Variants in SLC5A4 observed in about 807,000 individuals in gnomAD.
The protein encoded by SLC5A4 is solute carrier family 5 member 4.
SLC5A4 carries 55 observed loss-of-function variants against 70.3 expected under a neutral mutation model. The observed-to-expected ratio is 0.78, with a 90% CI of 0.63 to 0.98. The LOEUF is 0.98. SLC5A4 is among the 50% of genes least tolerant of loss of function. The pLI, the probability that SLC5A4 is intolerant of heterozygous loss-of-function variation, is 0.00. For synonymous variants in SLC5A4, 268 were observed against 305.7 expected (o/e 0.88, Z 1.29); for missense variants, 735 against 839.2 (o/e 0.88, Z 1.53).
chr22:32,230,926 A>G (rs773988736), intron 10 of SLC5A4, 42 bp downstream of exon 10: 8 of 1,280,070 alleles, frequency 6.2e-6, no homozygotes, highest in Non-Finnish European at 8.0e-6. Context: ...GGCCCGTCTT[A>G]GACAGGCCTC....
At chr22:32,288,398 CTCTG>C in the SLC5A4 span, among the ~76,000 whole-genome samples, 1 of 152,312 alleles carries the variant, frequency 6.6e-6, no homozygotes, top group East Asian at 1.9e-4. Context: ...TTCCCTAACA[CTCTG>C]TCTTTCATCA....
rs896509274 is a variant in SLC5A4 at position 32,229,335 on chromosome 22, C to T, written c.1139G>A (p.Gly380Asp). The change falls in exon 11 of 15, where the codon GGC (glycine) becomes GAC (aspartate). Residue 380 changes from glycine to aspartate, a missense_variant. Coordinates refer to ENST00000266086, the MANE Select transcript of SLC5A4 (RefSeq NM_014227.3). ...GGCCAGCATGACCGAAAGCATCAGG[C>T]CTCGCAGTCCTGGAGCCGGGAAAGG... ...VLELMPQGLR[G>D]LMLSVMLASL... The T allele has an allele frequency of 5.0e-6, 8 of 1,613,978 alleles. No individual in the cohort carries two copies. The highest frequency in any genetic ancestry group is 1.3e-5 in the African/African-American group (1 of 74,916).
chr22:32,304,907 G>A, the SLC5A4 span, among the ~76,000 whole-genome samples: 2 of 151,924 alleles, frequency 1.3e-5, no homozygotes, highest in African/African-American at 4.8e-5. Context: ...TTTGTGGAGT[G>A]TAAAGTCTGT....
intron 9 of SLC5A4, among the ~76,000 whole-genome samples, chr22:32,231,630 G>C (rs1183623993): frequency 6.6e-6 from 1 of 152,164 alleles, no homozygotes; most frequent in Non-Finnish European, 1.5e-5. Context: ...AATTGATAAA[G>C]AATCACGCAG....
At chr22:32,297,444 G>A in the SLC5A4 span, among the ~76,000 whole-genome samples, 1 of 147,736 alleles carries the variant, frequency 6.8e-6, no homozygotes, top group South Asian at 2.3e-4. Context: ...TTTGCATAGA[G>A]GTGTTTGTAG....
At chr22:32,330,518 C>CTCTGG in the SLC5A4 span, among the ~76,000 whole-genome samples, 1 of 82,632 alleles carries the variant, frequency 1.2e-5, no homozygotes, top group Non-Finnish European at 2.2e-5. Flanking sequence ...GTGTTGGGGG[C>CTCTGG]TGTGTGTGTC....
At chr22:32,275,270 A>G in the SLC5A4 span, among the ~76,000 whole-genome samples, 6 of 152,184 alleles carry the variant, frequency 3.9e-5, no homozygotes, top group African/African-American at 1.4e-4. Context: ...CATGTGCACA[A>G]CGTGCAGGTT....
At chr22:32,332,132 G>T in the SLC5A4 span, among the ~76,000 whole-genome samples, 1 of 151,872 alleles carries the variant, frequency 6.6e-6, no homozygotes, top group East Asian at 1.9e-4. Flanking sequence ...GCTGCAGCTC[G>T]TGAGACAGTG....
chr22:32,290,261 C>T, the SLC5A4 span, among the ~76,000 whole-genome samples: 2 of 152,198 alleles, frequency 1.3e-5, no homozygotes, highest in Admixed American at 1.3e-4. Context: ...CCCCCATCCC[C>T]TGACAGGCCC....
the SLC5A4 span, among the ~76,000 whole-genome samples, chr22:32,317,505 C>G: frequency 6.6e-6 from 1 of 152,066 alleles, no homozygotes; most frequent in Admixed American, 6.6e-5. Flanking sequence ...CTCTGTCACC[C>G]TAGCTGGAGT....
intron 9 of SLC5A4, 59 bp from the exon 10 acceptor site, chr22:32,231,134 T>A: frequency 1.0e-6 from 1 of 984,638 alleles, no homozygotes; most frequent in East Asian, 2.4e-5. Context: ...CCAACAACCA[T>A]TAAACAAAGA....
At chr22:32,310,671 G>A in the SLC5A4 span, among the ~76,000 whole-genome samples, 124 of 152,346 alleles carry the variant, frequency 8.1e-4, 1 homozygote, top group African/African-American at 2.9e-3. Context: ...CAAAGACTGA[G>A]GCCAGGGGCC....
At chr22:32,249,719 G>A (rs550962380) in intron 3 of SLC5A4, among the ~76,000 whole-genome samples, 91 of 152,320 alleles carry the variant, frequency 6.0e-4, no homozygotes, top group African/African-American at 2.2e-3. Context: ...GCATGTACAT[G>A]AAAACACCAG....
At chr22:32,332,680 T>TA in the SLC5A4 span, among the ~76,000 whole-genome samples, 2 of 152,310 alleles carry the variant, frequency 1.3e-5, no homozygotes, top group East Asian at 1.9e-4. Context: ...ACCTCACTTG[T>TA]AGCCTGCCTT....
the SLC5A4 span, among the ~76,000 whole-genome samples, chr22:32,323,583 G>A: frequency 3.9e-4 from 60 of 152,304 alleles, no homozygotes; most frequent in African/African-American, 1.2e-3. Context: ...AGGCACGGAC[G>A]GTGCCATTAG....
At chr22:32,224,510 A>C in intron 12 of SLC5A4, 28 bp from the exon 13 acceptor site, 1 of 1,539,006 alleles carries the variant, frequency 6.5e-7, no homozygotes, top group South Asian at 1.1e-5. Flanking sequence ...AGAAAATCAG[A>C]ATGTTTAGAA....
the SLC5A4 span, among the ~76,000 whole-genome samples, chr22:32,291,800 T>C: frequency 6.6e-6 from 1 of 150,472 alleles, no homozygotes; most frequent in Non-Finnish European, 1.5e-5. Flanking sequence ...TCCCAATGTA[T>C]GGAAATTTTT....
the SLC5A4 span, among the ~76,000 whole-genome samples, chr22:32,289,147 C>T: frequency 6.6e-6 from 1 of 152,036 alleles, no homozygotes; most frequent in Admixed American, 6.6e-5. Context: ...CCCTTGGACT[C>T]CTAGCTTGCC....
the SLC5A4 span, among the ~76,000 whole-genome samples, chr22:32,304,380 A>G: frequency 6.6e-6 from 1 of 152,048 alleles, no homozygotes; most frequent in Non-Finnish European, 1.5e-5. Context: ...ACCTCAGGTG[A>G]TCCACCCGCC....
Sources: gnomAD v4.1 joint callset for allele counts (sites outside exome capture counted in the v4.1 genomes callset) on GRCh38, gnomAD v4.1.1 for gene constraint, MANE v1.5 for transcripts, NCBI Gene and HGNC (gene_info 2026-07-23, HGNC 2026-07-21) for gene names.